FCHSD2: variants seen among roughly 807,000 people sequenced by gnomAD.
FCHSD2 encodes the protein F-BAR and double SH3 domains protein 2.
In FCHSD2, 38 loss-of-function variants were observed where a neutral mutation model predicts 108.1. The observed-to-expected ratio is 0.35, with a 90% confidence interval of 0.27 to 0.46. The LOEUF is 0.46. FCHSD2 is among the 20% of genes least tolerant of loss of function. The probability of loss-of-function intolerance (pLI) is 1.00; values close to 1 mark genes in which losing one functional copy is unlikely to be tolerated. For missense variants in FCHSD2, 751 were observed against 897.8 expected (o/e 0.84, Z 2.09); for synonymous variants, 279 against 314.7 (o/e 0.89, Z 1.20).
rs11408216 is a variant in FCHSD2 at position 72,959,220 on chromosome 11, C to CTTTTTTT, written c.705+24861_705+24867dup. Among the ~76,000 whole-genome samples, 212 of 56,324 alleles carry CTTTTTTT rather than the reference C, an allele frequency of 3.8e-3. 75 individuals carry two copies. Among genetic ancestry groups the CTTTTTTT allele is most frequent in the East Asian group, 0.015 (20 of 1,328 alleles). 37.0% of individuals were successfully genotyped at this position (56,324 alleles called of 152,430 possible). ...TTTTCCACTTCATATATCCAGCAGT[C>CTTTTTTT]TTTTTTTTTTTTTTTTTTTTTTTTT... On this transcript the variant is annotated intron_variant, in intron 8 of 19. Transcript: ENST00000409418.
intron 5 of FCHSD2, among the ~76,000 whole-genome samples, chr11:72,995,216 T>C (rs1025183330): frequency 5.3e-5 from 8 of 152,214 alleles, no homozygotes; most frequent in African/African-American, 1.7e-4. Flanking sequence ...AGTAAGCTTT[T>C]ATCTTGCAGA....
chr11:72,843,935 G>C (rs575585093), intron 14 of FCHSD2, among the ~76,000 whole-genome samples: 1 of 151,938 alleles, frequency 6.6e-6, no homozygotes, highest in Non-Finnish European at 1.5e-5. Context: ...TTGAGCCTGG[G>C]AGGTTGAGGC....
chr11:72,898,033 G>C (rs946064109), intron 10 of FCHSD2, among the ~76,000 whole-genome samples: 10 of 152,152 alleles, frequency 6.6e-5, no homozygotes, highest in Non-Finnish European at 1.3e-4. Flanking sequence ...TATTAACCAT[G>C]AGACAGCTAT....
chr11:73,047,889 A>T (rs1022765361), intron 3 of FCHSD2, among the ~76,000 whole-genome samples: 2 of 152,234 alleles, frequency 1.3e-5, no homozygotes, highest in African/African-American at 4.8e-5. Flanking sequence ...GCTTAGCAAC[A>T]ACTGTGAGTT....
rs745677352 is a variant in FCHSD2 at position 73,115,761 on chromosome 11, TTTC to T, written c.119+24267_119+24269del. Among the ~76,000 whole-genome samples, 13 of 152,310 alleles carry T rather than the reference TTTC, an allele frequency of 8.5e-5. No homozygotes were observed. The East Asian group carries it at 9.6e-4, about 11-fold the overall frequency. On this transcript the variant is annotated intron_variant, in intron 2 of 19. Transcript: ENST00000409418. Reference sequence around the variant, plus strand: ...TTGATGCTGCAGTCTTGAGGCAAAATTTCTTCTTCTTCCAGATACCTCAGTTTT... The same window carrying T: ...TTGATGCTGCAGTCTTGAGGCAAAATTTCTTCTTCCAGATACCTCAGTTTT...
At chr11:73,118,493 T>C (rs1419201237) in intron 2 of FCHSD2, among the ~76,000 whole-genome samples, 1 of 152,230 alleles carries the variant, frequency 6.6e-6, no homozygotes, top group Non-Finnish European at 1.5e-5. Context: ...TATATAATTC[T>C]GGAGTATAGT....
Position 72,917,314 on chromosome 11 carries a change from G to A in FCHSD2, c.828+4514C>T, listed in dbSNP as rs148161779. ...TCATTCTTTTGCATGTGGCTATCCA[G>A]CTGTCCCAAAACCTTTTTCTGAAGA... On this transcript the variant is annotated intron_variant, in intron 9 of 19. Coordinates refer to ENST00000409418, the MANE Select transcript of FCHSD2 (RefSeq NM_014824.3). Among the ~76,000 whole-genome samples the A allele has an allele frequency of 3.0e-4, 46 of 152,206 alleles. No homozygotes were observed. The South Asian group carries it at 4.8e-3, about 16-fold the overall frequency.
At chr11:72,958,565 C>G (rs1856759150) in intron 8 of FCHSD2, among the ~76,000 whole-genome samples, 1 of 152,070 alleles carries the variant, frequency 6.6e-6, no homozygotes, top group Non-Finnish European at 1.5e-5. Context: ...TTGTTGGATT[C>G]TATATGTAAA....
At chr11:73,083,551 A>G in intron 3 of FCHSD2, 144 bp downstream of exon 3, 1 of 612,838 alleles carries the variant, frequency 1.6e-6, no homozygotes, top group Admixed American at 3.0e-5. Flanking sequence ...CCATCTCAGA[A>G]AAAAAGAAAA....
chr11:73,130,957 T>G (rs1860982269), intron 2 of FCHSD2, among the ~76,000 whole-genome samples: 1 of 152,158 alleles, frequency 6.6e-6, no homozygotes, highest in Admixed American at 6.5e-5. Flanking sequence ...ATTCTCCCTC[T>G]CAAGATTTAC....
chr11:72,945,782 G>A (rs924222289), intron 8 of FCHSD2, among the ~76,000 whole-genome samples: 26 of 152,122 alleles, frequency 1.7e-4, no homozygotes, highest in African/African-American at 5.3e-4. Context: ...GCAGCCAAAC[G>A]ATACATGAAA....
rs866027368 is a variant in FCHSD2, at chr11:73,025,674, T to A, written c.166-9789A>T. 2.0e-4 allele frequency among the ~76,000 whole-genome samples: 30 copies of A among 152,326 alleles called. 1 individual carries two copies. Among genetic ancestry groups the A allele is most frequent in the East Asian group, 7.7e-4 (4 of 5,186 alleles). ...TTTAAAAATTAAATAAATAGAATTT[T>A]AAAAATTTTTTAAATCTCCTTGGAA... is the stretch of plus-strand genomic sequence containing the variant. On this transcript the variant is annotated intron_variant, in intron 3 of 19. Coordinates refer to ENST00000409418, the MANE Select transcript of FCHSD2 (RefSeq NM_014824.3).
intron 10 of FCHSD2, among the ~76,000 whole-genome samples, chr11:72,899,749 A>AAAG (rs1855489635): frequency 1.3e-5 from 2 of 150,998 alleles, no homozygotes; most frequent in Admixed American, 1.3e-4. Flanking sequence ...AAAAAAAAAA[A>AAAG]AAAAAAAAAG....
chr11:72,970,324 A>G (rs1856985173), intron 8 of FCHSD2, among the ~76,000 whole-genome samples: 1 of 152,248 alleles, frequency 6.6e-6, no homozygotes, highest in African/African-American at 2.4e-5. Flanking sequence ...CAATCCAGTG[A>G]GTAAAAATAC....
chr11:72,913,194 T>C (rs967955620), intron 9 of FCHSD2, among the ~76,000 whole-genome samples: 4 of 152,152 alleles, frequency 2.6e-5, no homozygotes, highest in Non-Finnish European at 2.9e-5. Context: ...TGGGGATTAT[T>C]ATAATTTGAT....
At chr11:73,063,352 C>T (rs1467045018) in intron 3 of FCHSD2, among the ~76,000 whole-genome samples, 1 of 152,190 alleles carries the variant, frequency 6.6e-6, no homozygotes, top group Non-Finnish European at 1.5e-5. Context: ...TTGTAAAGAA[C>T]ATCAACACTA....
intron 2 of FCHSD2, among the ~76,000 whole-genome samples, chr11:73,087,550 C>T (rs962244091): frequency 6.6e-6 from 1 of 151,800 alleles, no homozygotes; most frequent in Middle Eastern, 3.4e-3. Flanking sequence ...ACTAAACATA[C>T]AAAAATTAGC....
intron 8 of FCHSD2, among the ~76,000 whole-genome samples, chr11:72,959,856 GTGT>G (rs1856790814): frequency 7.1e-6 from 1 of 141,488 alleles, no homozygotes; most frequent in Non-Finnish European, 1.5e-5. Flanking sequence ...TTTCTAGGGT[GTGT>G]GTGTGTGTGT....
At chr11:72,959,426 G>A (rs1324144472) in intron 8 of FCHSD2, among the ~76,000 whole-genome samples, 2 of 148,844 alleles carry the variant, frequency 1.3e-5, no homozygotes, top group East Asian at 2.0e-4. Flanking sequence ...TAGTAGAGAC[G>A]GGGTTTCACC....
Sources: allele counts gnomAD v4.1 joint callset (sites outside exome capture counted in the v4.1 genomes callset), GRCh38; gene constraint gnomAD v4.1.1; transcripts MANE v1.5; gene names NCBI Gene and HGNC (gene_info 2026-07-23, HGNC 2026-07-21).